Variants in F8 observed in about 807,000 individuals in gnomAD.
F8 encodes coagulation factor VIII.
A neutral mutation model predicts 140.6 loss-of-function variants in F8; 12 were observed. The observed-to-expected ratio is 0.09, with a 90% CI of 0.05 to 0.14. The LOEUF is 0.14. Ranked by LOEUF, F8 falls within the 10% of genes least tolerant of loss-of-function variation. The pLI, the probability that F8 is intolerant of heterozygous loss-of-function variation, is 1.00. For missense variants in F8, 1,354 were observed against 1,720.7 expected (o/e 0.79, Z 3.77); for synonymous variants, 585 against 614.6 (o/e 0.95, Z 0.71).
rs1557280364 is a variant in F8, at chrX:154,947,215, A to G, written c.2113+483T>C. Reference sequence around the variant, plus strand: ...ACTCCAGCCTGGGCTACAGAGCGAGACTCCGTCTGAAAAAAAAAAAAAAAA... The same window carrying G: ...ACTCCAGCCTGGGCTACAGAGCGAGGCTCCGTCTGAAAAAAAAAAAAAAAA... On this transcript the variant is annotated intron_variant, in intron 13 of 25. Coordinates refer to ENST00000360256, the MANE Select transcript of F8 (RefSeq NM_000132.4). 3.5e-5 allele frequency among the ~76,000 whole-genome samples: 3 copies of G among 85,675 alleles called. No homozygotes were observed. In the East Asian group the frequency reaches 1.0e-3, roughly 30 times the overall value. 74.4% of individuals were successfully genotyped at this position (85,675 alleles called of 115,157 possible). A position where few individuals can be genotyped will look rare whatever the true frequency, so the allele number is the denominator to read the frequency against.
chrX:154,985,022 C>T (rs1285522320), intron 5 of F8, among the ~76,000 whole-genome samples: 1 of 112,104 alleles, frequency 8.9e-6, no homozygotes, highest in Non-Finnish European at 1.9e-5. Context: ...TTCTCTCCCT[C>T]CATTTGTCCA....
intron 25 of F8, among the ~76,000 whole-genome samples, chrX:154,844,171 C>T (rs1216415778): frequency 9.0e-6 from 1 of 111,598 alleles, no homozygotes; most frequent in Non-Finnish European, 1.9e-5. Flanking sequence ...GGTACCAGTA[C>T]CATGCTGTTT....
chrX:155,004,779 A>G (rs1220220660), intron 1 of F8, among the ~76,000 whole-genome samples: 1 of 111,933 alleles, frequency 8.9e-6, no homozygotes, highest in East Asian at 2.8e-4. Flanking sequence ...AAGAAGATAC[A>G]TGACCATGGA....
chrX:154,967,787 T>C (rs1227281801), intron 7 of F8, among the ~76,000 whole-genome samples: 3 of 112,083 alleles, frequency 2.7e-5, no homozygotes, highest in African/African-American at 9.7e-5. Flanking sequence ...GTGCATCAAC[T>C]TCCTGTTACT....
chrX:154,924,979 G>A (rs1226233357), intron 14 of F8, among the ~76,000 whole-genome samples: 1 of 112,120 alleles, frequency 8.9e-6, no homozygotes, highest in Non-Finnish European at 1.9e-5. Flanking sequence ...TAGGCCTCTG[G>A]GCCGGTGATG....
chrX:154,963,988 G>T (rs1353456196), intron 9 of F8, among the ~76,000 whole-genome samples: 1 of 111,067 alleles, frequency 9.0e-6, no homozygotes, highest in African/African-American at 3.3e-5. Flanking sequence ...CTACAGGCAT[G>T]TGCCACCATG....
chrX:154,982,694 T>C (rs1228491856), intron 6 of F8, among the ~76,000 whole-genome samples: 1 of 110,571 alleles, frequency 9.0e-6, no homozygotes. Flanking sequence ...GTAGTAGCCA[T>C]CTCCTATTGT....
At chrX:154,867,153 A>G (rs2072737338) in intron 22 of F8, among the ~76,000 whole-genome samples, 1 of 111,927 alleles carries the variant, frequency 8.9e-6, no homozygotes, top group African/African-American at 3.2e-5. Flanking sequence ...AGAAATAGAA[A>G]GCCTTAACAG....
chrX:155,003,726 A>C (rs894515142), intron 1 of F8, among the ~76,000 whole-genome samples: 3 of 111,150 alleles, frequency 2.7e-5, no homozygotes, highest in Non-Finnish European at 3.8e-5. Flanking sequence ...TGGGAGGCCG[A>C]GGCGGGCAGA....
At chrX:154,941,216 C>G (rs1317124092) in intron 13 of F8, among the ~76,000 whole-genome samples, 1 of 111,760 alleles carries the variant, frequency 8.9e-6, no homozygotes, top group East Asian at 2.8e-4. Context: ...AAGACACAGA[C>G]TGGCAAATTG....
At chrX:154,921,882 G>T (rs2073133067) in intron 14 of F8, among the ~76,000 whole-genome samples, 1 of 109,240 alleles carries the variant, frequency 9.2e-6, no homozygotes, top group South Asian at 4.1e-4. Context: ...CCTGTTGGGG[G>T]GTGGGGGGAA....
intron 2 of F8, among the ~76,000 whole-genome samples, chrX:154,998,129 T>C (rs1351718818): frequency 8.9e-6 from 1 of 112,751 alleles, no homozygotes; most frequent in Non-Finnish European, 1.9e-5. Context: ...CCAAATCTTT[T>C]CCAGTAACCT....
intron 22 of F8, 95 bp from the exon 23 acceptor site, chrX:154,863,322 G>A (rs1298413648): frequency 4.7e-5 from 39 of 835,687 alleles, no homozygotes; most frequent in African/African-American, 1.6e-4. Flanking sequence ...TGCTTTGTGC[G>A]TTTCTCAACA....
At chrX:154,963,553 T>C (rs959648164) in intron 9 of F8, among the ~76,000 whole-genome samples, 3 of 111,949 alleles carry the variant, frequency 2.7e-5, no homozygotes, top group Non-Finnish European at 5.6e-5. Context: ...TTATATTCCT[T>C]TGGGTATATA....
chrX:154,863,000 C>G, intron 23 of F8, 83 bp downstream of exon 23: 1 of 1,071,981 alleles, frequency 9.3e-7, no homozygotes, highest in Non-Finnish European at 1.3e-6. Flanking sequence ...GGGAACCCCT[C>G]CCCCAGTCTC....
At chrX:154,847,045 C>G (rs2072572791) in intron 25 of F8, among the ~76,000 whole-genome samples, 1 of 111,157 alleles carries the variant, frequency 9.0e-6, no homozygotes, top group African/African-American at 3.3e-5. Flanking sequence ...ACTTATGAAG[C>G]TTAGTTTGGC....
chrX:154,845,428 T>C (rs1170362793), intron 25 of F8, among the ~76,000 whole-genome samples: 1 of 111,592 alleles, frequency 9.0e-6, no homozygotes, highest in African/African-American at 3.3e-5. Flanking sequence ...GTCCTGGACT[T>C]TTTTTGGTTG....
At position 154,931,197 on chromosome X, in the gene F8, C is replaced by A; in HGVS notation, c.2593G>T (p.Asp865Tyr). The A allele has an allele frequency of 8.3e-7, 1 of 1,210,514 alleles. No individual in the cohort carries two copies. Among genetic ancestry groups the A allele is most frequent in the Non-Finnish European group, 1.1e-6 (1 of 894,503 alleles). Residue 865 changes from aspartate to tyrosine, a missense_variant, in exon 14 of 26, where the codon GAC becomes TAC. This residue lies in a region of F8 where 658 missense variants were observed against 666.5 expected (regional missense o/e 0.99). Coordinates refer to ENST00000360256, the MANE Select transcript of F8 (RefSeq NM_000132.4). The part of the protein sequence containing the change: ...HFRPQLHHSG[D>Y]MVFTPESGLQ... ...CCTGACTCAGGGGTAAATACCATGT[C>A]CCCACTGTGATGGAGCTGTGGCCTG...
rs1268462360 is a variant in F8 at position 154,836,205 on chromosome X, T to A, written c.*1392A>T. 1 of 111,953 alleles carries A rather than the reference T, an allele frequency of 8.9e-6. No individual in the cohort carries two copies. Among genetic ancestry groups the A allele is most frequent in the Non-Finnish European group, 1.9e-5 (1 of 53,216 alleles). The allele number at this position is 111,953 out of a possible 1,213,427, so 9.2% of individuals were successfully genotyped here. On this transcript the variant is annotated 3_prime_UTR_variant, in exon 26 of 26. Transcript: ENST00000360256. ...GCCATTCTTTTGCCTTTTCTCAGAT[T>A]GGGATCCATTTTTCTTTCATATTAG...
Sources: gnomAD v4.1 joint callset for allele counts (sites outside exome capture counted in the v4.1 genomes callset) on GRCh38, gnomAD v4.1.1 for gene constraint, gnomAD v4.1.1 regional missense constraint, MANE v1.5 for transcripts, NCBI Gene and HGNC (gene_info 2026-07-23, HGNC 2026-07-21) for gene names.